Variants in BRDT observed in about 807,000 individuals in gnomAD.
BRDT encodes the protein bromodomain testis associated.
Under a neutral mutation model 113.9 loss-of-function variants are expected in BRDT, and 77 were observed. The ratio of observed to expected loss-of-function variants is 0.68; its 90% CI spans 0.56 to 0.82. The LOEUF (loss-of-function observed/expected upper bound fraction) is 0.82, where lower values mean the gene tolerates loss of function less well. BRDT is among the 40% of genes least tolerant of loss of function. The probability of loss-of-function intolerance (pLI) is 0.00; values close to 1 mark genes in which losing one functional copy is unlikely to be tolerated. For missense variants in BRDT, 1,027 were observed against 1,105.4 expected, an observed-to-expected ratio of 0.93 and a Z score of 1.01; for synonymous variants, 358 against 366.5, an observed-to-expected ratio of 0.98 and a Z score of 0.26.
chr1:91,993,798 A>G (rs1300952983), intron 14 of BRDT, among the ~76,000 whole-genome samples: 1 of 152,178 alleles, frequency 6.6e-6, no homozygotes, highest in African/African-American at 2.4e-5. Context: ...ATACATGTAT[A>G]CTCATGTAAA....
At chr1:92,004,176 T>G (rs1024553495) in intron 16 of BRDT, among the ~76,000 whole-genome samples, 18 of 152,206 alleles carry the variant, frequency 1.2e-4, no homozygotes, top group African/African-American at 4.1e-4. Flanking sequence ...AATTGGCAAG[T>G]GTGCTACTTT....
chr1:92,012,173 C>G (rs1353086622), intron 18 of BRDT, among the ~76,000 whole-genome samples: 1 of 152,034 alleles, frequency 6.6e-6, no homozygotes, highest in African/African-American at 2.4e-5. Flanking sequence ...GGTGGCGCAC[C>G]TGTAATCCCA....
intron 1 of BRDT, among the ~76,000 whole-genome samples, chr1:91,958,891 C>CA (rs761899176): frequency 1.5e-3 from 233 of 151,524 alleles, no homozygotes; most frequent in Non-Finnish European, 2.9e-3. Flanking sequence ...CCCATCTATA[C>CA]AAAAAAAATG....
chr1:91,969,695 T>G (rs1040150092), intron 4 of BRDT, among the ~76,000 whole-genome samples: 1 of 152,118 alleles, frequency 6.6e-6, no homozygotes, highest in Non-Finnish European at 1.5e-5. Flanking sequence ...AAGGTAAAAA[T>G]TATTGATCTT....
At chr1:91,958,128 C>G (rs1433732411) in intron 1 of BRDT, among the ~76,000 whole-genome samples, 4 of 152,264 alleles carry the variant, frequency 2.6e-5, no homozygotes, top group Non-Finnish European at 5.9e-5. Flanking sequence ...CAGGCGCGAG[C>G]CGCCATGCCT....
intron 13 of BRDT, among the ~76,000 whole-genome samples, chr1:91,991,789 G>A (rs938474988): frequency 9.2e-5 from 14 of 151,912 alleles, no homozygotes; most frequent in African/African-American, 1.7e-4. Flanking sequence ...TCAGGAGATC[G>A]AGACCATCCT....
chr1:91,995,975 A>G (rs904783640), intron 15 of BRDT, among the ~76,000 whole-genome samples: 1 of 152,164 alleles, frequency 6.6e-6, no homozygotes, highest in African/African-American at 2.4e-5. Flanking sequence ...ATGGAGATCA[A>G]TGGAGAAAAT....
At chr1:91,954,264 G>T (rs1270367338) in intron 1 of BRDT, among the ~76,000 whole-genome samples, 9 of 144,774 alleles carry the variant, frequency 6.2e-5, no homozygotes, top group Non-Finnish European at 1.0e-4. Flanking sequence ...GAGCCACGGT[G>T]CTCGGCATTT....
Position 92,012,818 on chromosome 1 carries a change from G to A in BRDT, c.2776-1388G>A, listed in dbSNP as rs117528399. Reference sequence around the variant, plus strand: ...CCAGCTACTTGGGAGGCTAAGATATGAGAATCACCTGAGCCTGCGAGGCAG... The same window carrying A: ...CCAGCTACTTGGGAGGCTAAGATATAAGAATCACCTGAGCCTGCGAGGCAG... On this transcript the variant is annotated intron_variant, in intron 18 of 18. Transcript: ENST00000399546. 7.2e-4 allele frequency among the ~76,000 whole-genome samples: 110 copies of A among 152,208 alleles called. No homozygotes were observed. In the East Asian group the frequency reaches 0.02, roughly 28 times the overall value.
intron 1 of BRDT, among the ~76,000 whole-genome samples, chr1:91,951,332 A>G (rs537771098): frequency 1.3e-5 from 2 of 152,308 alleles, no homozygotes; most frequent in African/African-American, 4.8e-5. Context: ...GTGATTGAAT[A>G]AAAGCAGTGG....
At chr1:91,992,498 CAG>C (rs1456022373) in intron 14 of BRDT, among the ~76,000 whole-genome samples, 184 bp downstream of exon 14, 1 of 148,826 alleles carries the variant, frequency 6.7e-6, no homozygotes, top group Non-Finnish European at 1.5e-5. Context: ...GAGTATATAA[CAG>C]GGCTTTGGAC....
chr1:91,960,813 CTT>C (rs1424124624), intron 1 of BRDT, among the ~76,000 whole-genome samples: 1 of 152,162 alleles, frequency 6.6e-6, no homozygotes, highest in Non-Finnish European at 1.5e-5. Flanking sequence ...AAATGGGCAA[CTT>C]ATTTCATTTT....
intron 1 of BRDT, among the ~76,000 whole-genome samples, chr1:91,959,321 T>C (rs1300057526): frequency 6.6e-6 from 1 of 152,130 alleles, no homozygotes; most frequent in Non-Finnish European, 1.5e-5. Flanking sequence ...AAAAGTAGGT[T>C]AGCTTTAAAT....
Position 91,979,569 on chromosome 1 carries a change from G to T in BRDT, c.1099G>T (p.Asp367Tyr), listed in dbSNP as rs1684521570. ...EVVTMARMLQDVFETHFSKIP... is the reference protein window; with the variant it reads ...EVVTMARMLQYVFETHFSKIP... ...ATAACAAACTAATTTTTCATTACAG[G>T]ATGTTTTCGAAACGCATTTTTCAAA... Residue 367 changes from aspartate (D) to tyrosine (Y), a missense_variant and splice_region_variant, in exon 8 of 19, where the codon GAT becomes TAT. By Grantham distance (160) the Asp-to-Tyr change is radical. Coordinates refer to ENST00000399546, the MANE Select transcript of BRDT (RefSeq NM_207189.4). The T allele has an allele frequency of 6.2e-7, 1 of 1,605,660 alleles. No individual in the cohort carries two copies.
At chr1:91,955,453 TAAAAA>T (rs1681645724) in intron 1 of BRDT, among the ~76,000 whole-genome samples, 1 of 152,082 alleles carries the variant, frequency 6.6e-6, no homozygotes. Context: ...GACTCCATCT[TAAAAA>T]CAAAACAAAA....
chr1:91,991,524 C>G (rs1685749291), intron 13 of BRDT, among the ~76,000 whole-genome samples: 1 of 152,132 alleles, frequency 6.6e-6, no homozygotes, highest in South Asian at 2.1e-4. Context: ...AGTCTGAATA[C>G]AGAGGGATGG....
intron 15 of BRDT, among the ~76,000 whole-genome samples, chr1:91,997,510 G>A (rs1054472801): frequency 6.6e-6 from 1 of 152,150 alleles, no homozygotes; most frequent in African/African-American, 2.4e-5. Flanking sequence ...TGTTTTATAA[G>A]AATGCTAGGG....
intron 1 of BRDT, among the ~76,000 whole-genome samples, chr1:91,955,198 G>A (rs914221308): frequency 6.6e-6 from 1 of 152,132 alleles, no homozygotes; most frequent in African/African-American, 2.4e-5. Context: ...GCTCAATCCT[G>A]TAATCCCAGC....
intron 15 of BRDT, 44 bp downstream of exon 15, chr1:91,994,298 T>A: frequency 4.1e-6 from 6 of 1,448,730 alleles, no homozygotes; most frequent in Non-Finnish European, 5.7e-6. Flanking sequence ...GAAATTGACT[T>A]CTAAACCTAT....
Sources: allele counts gnomAD v4.1 joint callset (sites outside exome capture counted in the v4.1 genomes callset), GRCh38; gene constraint gnomAD v4.1.1; transcripts MANE v1.5; gene names NCBI Gene and HGNC (gene_info 2026-07-23, HGNC 2026-07-21).